Variants in PLEKHM3 observed in about 807,000 individuals in gnomAD.
PLEKHM3 encodes the protein pleckstrin homology domain-containing family M member 3.
PLEKHM3 carries 45 observed loss-of-function variants against 81.8 expected under a neutral mutation model. The ratio of observed to expected loss-of-function variants is 0.55; its 90% CI spans 0.43 to 0.71. The LOEUF (loss-of-function observed/expected upper bound fraction) is 0.71. Among genes scored for constraint, PLEKHM3 ranks in the 30% least tolerant of loss-of-function variants. PLEKHM3 has a pLI of 0.00. For missense variants in PLEKHM3, 788 were observed against 924.3 expected (o/e 0.85, Z 1.91); for synonymous variants, 352 against 356.4 (o/e 0.99, Z 0.14).
At chr2:208,017,856 T>C (rs1431537518) in intron 1 of PLEKHM3, among the ~76,000 whole-genome samples, 12 of 152,212 alleles carry the variant, frequency 7.9e-5, no homozygotes, top group African/African-American at 2.9e-4. Flanking sequence ...ACCCACTCTT[T>C]CCACTGCTCT....
In PLEKHM3 at chr2:208,024,235, A is replaced by G. The variant is rs561110868; in HGVS notation, c.-319+1154T>C. 9.2e-5 allele frequency among the ~76,000 whole-genome samples: 14 copies of G among 152,294 alleles called. No individual in the cohort carries two copies. In the East Asian group the frequency reaches 2.3e-3, roughly 25 times the overall value. On this transcript the variant is annotated intron_variant, in intron 1 of 7. Transcript: ENST00000427836. ...AATACTATTATTATTCCCATTCTAC[A>G]GATTAGGAAACAGAAGCGCTAAGTA...
At chr2:208,019,136 AC>A (rs1343140369) in intron 1 of PLEKHM3, among the ~76,000 whole-genome samples, 5 of 89,314 alleles carry the variant, frequency 5.6e-5, no homozygotes, top group Non-Finnish European at 1.3e-4. Context: ...CCCCATCTCT[AC>A]AAAAAAAAAA....
At chr2:208,007,883 A>G (rs1692548517) in intron 1 of PLEKHM3, among the ~76,000 whole-genome samples, 1 of 152,028 alleles carries the variant, frequency 6.6e-6, no homozygotes, top group Admixed American at 6.5e-5. Flanking sequence ...GTGAAACCTC[A>G]TCTACTAAAA....
chr2:207,984,783 C>A (rs7355275), intron 2 of PLEKHM3, among the ~76,000 whole-genome samples: 1 of 152,032 alleles, frequency 6.6e-6, no homozygotes. Flanking sequence ...TCTCTTCCTC[C>A]TTTTTTTCAT....
At chr2:208,004,819 G>C (rs1052505873) in intron 1 of PLEKHM3, among the ~76,000 whole-genome samples, 5 of 152,024 alleles carry the variant, frequency 3.3e-5, no homozygotes, top group African/African-American at 1.2e-4. Context: ...TTTTAAAACA[G>C]TTTTTTGTTT....
chr2:207,998,815 C>A (rs1396359097), intron 2 of PLEKHM3, among the ~76,000 whole-genome samples: 1 of 152,000 alleles, frequency 6.6e-6, no homozygotes, highest in African/African-American at 2.4e-5. Flanking sequence ...TCGTGCTACA[C>A]CAGGGATTTA....
At chr2:207,961,485 T>A (rs1690731333) in intron 3 of PLEKHM3, among the ~76,000 whole-genome samples, 1 of 152,348 alleles carries the variant, frequency 6.6e-6, no homozygotes, top group South Asian at 2.1e-4. Context: ...GGTTTTAGAA[T>A]CCTAGTTTCC....
chr2:207,982,586 T>C (rs1691570725), intron 2 of PLEKHM3, among the ~76,000 whole-genome samples: 1 of 149,284 alleles, frequency 6.7e-6, no homozygotes, highest in Non-Finnish European at 1.5e-5. Flanking sequence ...TTCTTTTTTT[T>C]TTTTTTTTTG....
chr2:207,852,767 C>A, intron 7 of PLEKHM3: 1 of 441,324 alleles, frequency 2.3e-6, no homozygotes, highest in South Asian at 1.7e-5. Flanking sequence ...GTGATGGGAT[C>A]AATGAAAACC....
intron 6 of PLEKHM3, among the ~76,000 whole-genome samples, chr2:207,898,442 C>T (rs1046517940): frequency 1.3e-5 from 2 of 152,166 alleles, no homozygotes. Context: ...TATTCTAGAG[C>T]CAGAATTCCC....
chr2:208,005,867 ATAGCGCC>A (rs758213900), intron 1 of PLEKHM3, among the ~76,000 whole-genome samples: 31 of 152,256 alleles, frequency 2.0e-4, no homozygotes, highest in Non-Finnish European at 3.5e-4. Flanking sequence ...TGCATAAGAG[ATAGCGCC>A]TCATGACCTA....
At chr2:207,884,286 G>A (rs374398228) in intron 6 of PLEKHM3, among the ~76,000 whole-genome samples, 2 of 152,102 alleles carry the variant, frequency 1.3e-5, no homozygotes, top group African/African-American at 4.8e-5. Flanking sequence ...AACTAGATAC[G>A]ATGTCTGCTC....
chr2:207,960,187 G>A (rs1559257510), intron 3 of PLEKHM3, among the ~76,000 whole-genome samples: 1 of 152,170 alleles, frequency 6.6e-6, no homozygotes, highest in Non-Finnish European at 1.5e-5. Context: ...CCTCACAGAT[G>A]GGGGAAATTA....
chr2:208,007,995 G>A (rs1692552976), intron 1 of PLEKHM3, among the ~76,000 whole-genome samples: 1 of 152,196 alleles, frequency 6.6e-6, no homozygotes, highest in Non-Finnish European at 1.5e-5. Context: ...GGAGCTTGCA[G>A]TGAGCCAAGA....
chr2:207,916,748 A>C (rs1689005314), intron 5 of PLEKHM3, among the ~76,000 whole-genome samples: 1 of 152,004 alleles, frequency 6.6e-6, no homozygotes, highest in Non-Finnish European at 1.5e-5. Context: ...ACTTCATCTC[A>C]AAAAAAGAAA....
intron 6 of PLEKHM3, among the ~76,000 whole-genome samples, chr2:207,876,492 A>G (rs771120958): frequency 1.3e-5 from 2 of 152,188 alleles, no homozygotes; most frequent in Non-Finnish European, 2.9e-5. Flanking sequence ...TGTCATGACT[A>G]TATCAGGCTT....
At chr2:207,851,375 T>C (rs541564700) in intron 7 of PLEKHM3, 1 of 152,322 alleles carries the variant, frequency 6.6e-6, no homozygotes, top group African/African-American at 2.4e-5. Flanking sequence ...ATTCTTATTG[T>C]ATTTAAAAAT....
intron 2 of PLEKHM3, among the ~76,000 whole-genome samples, chr2:207,990,107 A>C (rs1021566544): frequency 4.6e-5 from 7 of 152,220 alleles, no homozygotes; most frequent in African/African-American, 1.4e-4. Context: ...ACATGGACAC[A>C]TAAAGCCACT....
intron 2 of PLEKHM3, among the ~76,000 whole-genome samples, chr2:207,983,606 G>C (rs1000558399): frequency 4.7e-4 from 70 of 150,048 alleles, no homozygotes; most frequent in Admixed American, 1.2e-3. Context: ...AAAAAAAACA[G>C]AACTATTTCT....
Sources: gnomAD v4.1 joint callset for allele counts (sites outside exome capture counted in the v4.1 genomes callset) on GRCh38, gnomAD v4.1.1 for gene constraint, MANE v1.5 for transcripts, NCBI Gene and HGNC (gene_info 2026-07-23, HGNC 2026-07-21) for gene names.